Variants in RNF150 observed in about 807,000 individuals in gnomAD.
The protein encoded by RNF150 is ring finger protein 150.
In RNF150, 24 loss-of-function variants were observed where a neutral mutation model predicts 39.3. The ratio of observed to expected loss-of-function variants is 0.61; its 90% CI spans 0.44 to 0.86. The LOEUF (loss-of-function observed/expected upper bound fraction) is 0.86, where lower values mean the gene tolerates loss of function less well. Among genes scored for constraint, RNF150 ranks in the 40% least tolerant of loss-of-function variants. The probability of loss-of-function intolerance (pLI) is 0.00; values close to 1 mark genes in which losing one functional copy is unlikely to be tolerated. For synonymous variants in RNF150, 255 were observed against 227.3 expected (o/e 1.12, Z -1.10); for missense variants, 502 against 587.8 (o/e 0.85, Z 1.51).
chr4:141,126,669 T>C (rs1726763503), intron 1 of RNF150, among the ~76,000 whole-genome samples: 1 of 152,146 alleles, frequency 6.6e-6, no homozygotes, highest in African/African-American at 2.4e-5. Flanking sequence ...AGGTACTCTT[T>C]CCACTGGGAA....
chr4:141,053,569 G>C, intron 1 of RNF150: 1 of 520,492 alleles, frequency 1.9e-6, no homozygotes, highest in Non-Finnish European at 3.0e-6. Flanking sequence ...TAAATTGGGA[G>C]ATATAATGGG....
chr4:140,982,320 C>T (rs531641154), intron 1 of RNF150, among the ~76,000 whole-genome samples: 3 of 152,206 alleles, frequency 2.0e-5, no homozygotes, highest in South Asian at 2.1e-4. Context: ...GCCAGGCATG[C>T]GCAAATGTAT....
intron 6 of RNF150, among the ~76,000 whole-genome samples, chr4:140,889,572 A>AT (rs1213255618): frequency 3.9e-5 from 6 of 151,988 alleles, no homozygotes; most frequent in African/African-American, 1.4e-4. Flanking sequence ...CTGAAGCAGA[A>AT]TTTTTTTTGG....
intron 1 of RNF150, among the ~76,000 whole-genome samples, chr4:140,987,141 T>C (rs1301270580): frequency 1.3e-5 from 2 of 151,860 alleles, no homozygotes; most frequent in African/African-American, 4.8e-5. Flanking sequence ...AAAAAAATAT[T>C]CCATGTACAT....
At chr4:141,177,521 C>T (rs1727834504) in intron 1 of RNF150, among the ~76,000 whole-genome samples, 1 of 151,460 alleles carries the variant, frequency 6.6e-6, no homozygotes, top group Admixed American at 6.6e-5. Context: ...CTGCAATGTA[C>T]ATTAATATCA....
intron 5 of RNF150, 89 bp downstream of exon 5, chr4:140,925,888 C>T (rs2111321143): frequency 1.1e-6 from 1 of 891,324 alleles, no homozygotes; most frequent in South Asian, 1.4e-5. Flanking sequence ...TGAGGGGACA[C>T]AGAACATCCA....
intron 5 of RNF150, among the ~76,000 whole-genome samples, chr4:140,921,753 C>T (rs1731160265): frequency 1.3e-5 from 2 of 152,276 alleles, no homozygotes; most frequent in South Asian, 4.1e-4. Context: ...AGCAGCACAT[C>T]AAAAAGCTTA....
chr4:141,197,190 C>T (rs2111210620), intron 1 of RNF150, among the ~76,000 whole-genome samples: 1 of 152,108 alleles, frequency 6.6e-6, no homozygotes, highest in South Asian at 2.1e-4. Flanking sequence ...TTAGTGAATT[C>T]AGAATTACAA....
At chr4:141,015,675 A>G (rs1311468402) in intron 1 of RNF150, among the ~76,000 whole-genome samples, 1 of 152,260 alleles carries the variant, frequency 6.6e-6, no homozygotes, top group Non-Finnish European at 1.5e-5. Context: ...TTTTCTATAT[A>G]TAAGATCATG....
chr4:140,929,662 G>C (rs1054908200), intron 4 of RNF150, among the ~76,000 whole-genome samples: 1 of 151,972 alleles, frequency 6.6e-6, no homozygotes, highest in Non-Finnish European at 1.5e-5. Flanking sequence ...CACCGTGCCC[G>C]GCCTGGATGC....
At chr4:141,084,467 A>G (rs1439000528) in intron 1 of RNF150, among the ~76,000 whole-genome samples, 1 of 152,240 alleles carries the variant, frequency 6.6e-6, no homozygotes, top group Non-Finnish European at 1.5e-5. Flanking sequence ...GTCAATAACT[A>G]TTTTAACTCT....
At chr4:141,163,252 G>C (rs1485548229) in intron 1 of RNF150, among the ~76,000 whole-genome samples, 1 of 152,196 alleles carries the variant, frequency 6.6e-6, no homozygotes, top group South Asian at 2.1e-4. Context: ...TGCTTCTCTA[G>C]ATTCTTCCTC....
chr4:141,058,090 T>C (rs1381900977), intron 1 of RNF150, among the ~76,000 whole-genome samples: 1 of 152,190 alleles, frequency 6.6e-6, no homozygotes, highest in African/African-American at 2.4e-5. Flanking sequence ...CAATTTTTAT[T>C]CTGATCTTGA....
chr4:141,036,942 T>C (rs1229259112), intron 1 of RNF150, among the ~76,000 whole-genome samples: 2 of 152,186 alleles, frequency 1.3e-5, no homozygotes, highest in African/African-American at 2.4e-5. Context: ...GGACTGTTGA[T>C]GTGAATATTT....
rs543329593 is a variant in RNF150 at position 140,873,714 on chromosome 4, G to T, written c.1199-5335C>A. Among the ~76,000 whole-genome samples, 6 of 152,198 alleles carry T rather than the reference G, an allele frequency of 3.9e-5. No homozygotes were observed. In the South Asian group the frequency reaches 1.2e-3, roughly 32 times the overall value. ...TATTTTTGAGACAGGGTCTCTCTCT[G>T]TTGCCCAAGCTGAGTGCAGTGGCAT... On this transcript the variant is annotated intron_variant, in intron 6 of 6. Transcript: ENST00000515673.
At chr4:141,112,402 C>G (rs2111064092) in intron 1 of RNF150, among the ~76,000 whole-genome samples, 1 of 152,200 alleles carries the variant, frequency 6.6e-6, no homozygotes, top group South Asian at 2.1e-4. Context: ...CTTTCAGGAC[C>G]TCTTGTAATG....
At chr4:141,169,061 T>C (rs1727655342) in intron 1 of RNF150, among the ~76,000 whole-genome samples, 1 of 152,128 alleles carries the variant, frequency 6.6e-6, no homozygotes, top group Non-Finnish European at 1.5e-5. Context: ...TGAATCTGTG[T>C]CTCTACCCAT....
intron 2 of RNF150, among the ~76,000 whole-genome samples, chr4:140,949,684 A>C (rs80295398): frequency 0.054 from 2,246 of 41,494 alleles, 21 homozygotes; most frequent in Non-Finnish European, 0.084. Flanking sequence ...ACCCCCCCCC[A>C]AAAAAAAATG....
upstream of RNF150, among the ~76,000 whole-genome samples, chr4:141,135,898 C>T (rs1367708979): frequency 6.6e-6 from 1 of 152,168 alleles, no homozygotes; most frequent in Admixed American, 6.5e-5. Context: ...CTATCATGTA[C>T]CTCCTTATGA....
Sources: gnomAD v4.1 joint callset for allele counts (sites outside exome capture counted in the v4.1 genomes callset) on GRCh38, gnomAD v4.1.1 for gene constraint, MANE v1.5 for transcripts, NCBI Gene and HGNC (gene_info 2026-07-23, HGNC 2026-07-21) for gene names.